The following PRPF18 variants were observed in gnomAD, a reference collection of about 807,000 sequenced individuals.
PRPF18 encodes the protein pre-mRNA-splicing factor 18.
A neutral mutation model predicts 46.5 loss-of-function variants in PRPF18; 38 were observed. The observed-to-expected ratio is 0.82, with a 90% CI of 0.63 to 1.07. The LOEUF is 1.07. Ranked by LOEUF, PRPF18 falls within the 50% of genes least tolerant of loss-of-function variation. The pLI is 0.00. For synonymous variants in PRPF18, 152 were observed against 146.7 expected, an observed-to-expected ratio of 1.04 and a Z score of -0.26; for missense variants, 263 against 410.0, an observed-to-expected ratio of 0.64 and a Z score of 3.10.
At chr10:13,628,736 C>A (rs1431909634) in intron 9 of PRPF18, among the ~76,000 whole-genome samples, 2 of 152,086 alleles carry the variant, frequency 1.3e-5, no homozygotes, top group African/African-American at 4.8e-5. Context: ...TTGAGCTTAA[C>A]AGGTGTTAAG....
At chr10:13,638,587 C>T in the PRPF18 span, 1 of 152,088 alleles carries the variant, frequency 6.6e-6, no homozygotes, top group Non-Finnish European at 1.5e-5. Flanking sequence ...AAATTCTAGT[C>T]TAAGTCCAAA....
chr10:13,608,312 T>C (rs943291218), intron 4 of PRPF18, among the ~76,000 whole-genome samples: 5 of 152,236 alleles, frequency 3.3e-5, no homozygotes, highest in South Asian at 2.1e-4. Context: ...TAAGCTGATA[T>C]CTTGCCCCTT....
chr10:13,601,499 CT>C (rs1365286058), intron 3 of PRPF18, among the ~76,000 whole-genome samples: 3 of 152,240 alleles, frequency 2.0e-5, no homozygotes, highest in Non-Finnish European at 4.4e-5. Context: ...CCCACTCCCC[CT>C]GTGCCCCGAT....
At chr10:13,592,355 T>C (rs1307921593) in intron 1 of PRPF18, 1 of 273,918 alleles carries the variant, frequency 3.7e-6, no homozygotes, top group Non-Finnish European at 7.0e-6. Context: ...AGTCCCTTTG[T>C]TTTAATTTTT....
At position 13,630,407 on chromosome 10, in the gene PRPF18, A is replaced by C; in HGVS notation, c.*67A>C. ...AAGCAGGCTGTGGACTTCTGGAATT[A>C]CCAACAGGAATGAGGAAAGAAGAAA... On this transcript the variant is annotated 3_prime_UTR_variant, in exon 10 of 10. Coordinates refer to ENST00000378572, the MANE Select transcript of PRPF18 (RefSeq NM_003675.4). The C allele has an allele frequency of 7.8e-7, 1 of 1,287,044 alleles. No homozygotes were observed. The highest frequency in any genetic ancestry group is 2.4e-5 in the East Asian group (1 of 41,686). The allele number at this position is 1,287,044 out of a possible 1,614,324, so 79.7% of individuals were successfully genotyped here.
At chr10:13,613,707 C>A (rs531575068) in intron 6 of PRPF18, 34 bp from the exon 7 acceptor site, 2 of 1,600,720 alleles carry the variant, frequency 1.2e-6, no homozygotes, top group Non-Finnish European at 1.7e-6. Flanking sequence ...CACTGGGTGG[C>A]ATTGTAGTCT....
the PRPF18 span, chr10:13,646,264 AAAG>A: frequency 6.6e-6 from 1 of 152,658 alleles, no homozygotes; most frequent in Non-Finnish European, 1.5e-5. Flanking sequence ...TCAGAATTTA[AAAG>A]AAATTTCCTT....
chr10:13,591,521 T>C, intron 1 of PRPF18: 1 of 723,286 alleles, frequency 1.4e-6, no homozygotes, highest in South Asian at 1.4e-5. Context: ...CAGGTAGTCC[T>C]GGAGCTTAGG....
the PRPF18 span, chr10:13,654,100 T>C: frequency 1.9e-6 from 1 of 520,816 alleles, no homozygotes. Flanking sequence ...CTGAGTATAA[T>C]CCAAACCGAA....
At chr10:13,594,774 C>T (rs954082361) in intron 1 of PRPF18, among the ~76,000 whole-genome samples, 1 of 152,134 alleles carries the variant, frequency 6.6e-6, no homozygotes, top group Admixed American at 6.5e-5. Flanking sequence ...ATTTTATCAT[C>T]GGTGGTAAAT....
chr10:13,623,860 A>G (rs2080457074), intron 9 of PRPF18, among the ~76,000 whole-genome samples: 1 of 152,244 alleles, frequency 6.6e-6, no homozygotes, highest in Admixed American at 6.5e-5. Flanking sequence ...CTATATCTGT[A>G]TCTGATATTT....
At chr10:13,654,640 G>C in the PRPF18 span, 1 of 641,590 alleles carries the variant, frequency 1.6e-6, no homozygotes, top group South Asian at 1.9e-5. Context: ...TGCTGGGAAG[G>C]ACCCCAGAGC....
chr10:13,592,872 A>G (rs1204678878), intron 1 of PRPF18, among the ~76,000 whole-genome samples: 1 of 152,244 alleles, frequency 6.6e-6, no homozygotes, highest in African/African-American at 2.4e-5. Context: ...GCTGTGCTGC[A>G]GTAACAATGC....
Position 13,624,629 on chromosome 10 carries a change from G to A in PRPF18, c.949-5631G>A, listed in dbSNP as rs139117198. ...ATATCATACTGAAAACAGGAAAATT[G>A]AGTGGAATATACAATATTGACAAAT... On this transcript the variant is annotated intron_variant, in intron 9 of 9. Transcript: ENST00000378572. Among the ~76,000 whole-genome samples the A allele has an allele frequency of 1.3e-4, 20 of 152,356 alleles. No homozygotes were observed. In the East Asian group the frequency reaches 3.5e-3, roughly 26 times the overall value.
intron 9 of PRPF18, among the ~76,000 whole-genome samples, chr10:13,621,956 T>C (rs773773024): frequency 3.3e-5 from 5 of 152,218 alleles, no homozygotes; most frequent in African/African-American, 7.2e-5. Flanking sequence ...CATTTGTGAG[T>C]TTGTAATGTG....
At chr10:13,619,218 A>G (rs2080390118) in intron 9 of PRPF18, among the ~76,000 whole-genome samples, 1 of 152,208 alleles carries the variant, frequency 6.6e-6, no homozygotes, top group Non-Finnish European at 1.5e-5. Context: ...CCTGTGGCCC[A>G]GGGGTTGGGG....
intron 1 of PRPF18, among the ~76,000 whole-genome samples, chr10:13,595,145 C>T (rs372241907): frequency 6.6e-6 from 1 of 152,094 alleles, no homozygotes; most frequent in African/African-American, 2.4e-5. Flanking sequence ...CAAATCCTCC[C>T]CCCATGTTGC....
chr10:13,598,792 G>C (rs1174602026), intron 2 of PRPF18, among the ~76,000 whole-genome samples: 1 of 152,150 alleles, frequency 6.6e-6, no homozygotes, highest in East Asian at 1.9e-4. Context: ...TCTGGAATAA[G>C]AATCACTTAC....
chr10:13,643,604 G>A, the PRPF18 span: 1 of 152,548 alleles, frequency 6.6e-6, no homozygotes, highest in Non-Finnish European at 1.5e-5. Flanking sequence ...TAATAAAGGA[G>A]CCCACTGAGG....
Sources: gnomAD v4.1 joint callset for allele counts (sites outside exome capture counted in the v4.1 genomes callset) on GRCh38, gnomAD v4.1.1 for gene constraint, MANE v1.5 for transcripts, NCBI Gene and HGNC (gene_info 2026-07-23, HGNC 2026-07-21) for gene names.